The following ENPP2 variants were observed in gnomAD, a reference collection of about 807,000 sequenced individuals.
ENPP2 encodes autotaxin.
Under a neutral mutation model 120.2 loss-of-function variants are expected in ENPP2, and 51 were observed. The observed-to-expected ratio is 0.42, with a 90% CI of 0.34 to 0.54. The LOEUF is 0.54. ENPP2 is among the 20% of genes least tolerant of loss of function. The probability of loss-of-function intolerance (pLI) is 0.04; values close to 1 mark genes in which losing one functional copy is unlikely to be tolerated. For missense variants in ENPP2, 920 were observed against 1,066.5 expected (o/e 0.86, Z 1.91); for synonymous variants, 365 against 366.4 (o/e 1.00, Z 0.04).
At chr8:119,559,138 A>G (rs1813712598) in intron 24 of ENPP2, among the ~76,000 whole-genome samples, 1 of 152,194 alleles carries the variant, frequency 6.6e-6, no homozygotes, top group Non-Finnish European at 1.5e-5. Flanking sequence ...TTCACAGGAA[A>G]GGAAAGACCT....
intron 24 of ENPP2, among the ~76,000 whole-genome samples, chr8:119,558,792 T>C (rs1813685714): frequency 6.6e-6 from 1 of 152,064 alleles, no homozygotes; most frequent in Non-Finnish European, 1.5e-5. Flanking sequence ...CTTCTACAAG[T>C]TGAAGGGTGG....
rs368551300 is a variant in ENPP2, at chr8:119,626,765, T to C, written c.137-45A>G. The C allele has an allele frequency of 5.0e-6, 8 of 1,590,544 alleles. No individual in the cohort carries two copies. In the East Asian group the frequency reaches 9.0e-5, roughly 18 times the overall value. ...AAAACAATGGACTGGAGAGTGGTCATGTCACCATGGAAAGGTGGCACTGGG... is the reference window on the plus strand; with the variant it reads ...AAAACAATGGACTGGAGAGTGGTCACGTCACCATGGAAAGGTGGCACTGGG... On this transcript the variant is annotated intron_variant, in intron 2 of 24. Transcript: ENST00000075322.
At chr8:119,633,967 G>A (rs369790508) in intron 2 of ENPP2, among the ~76,000 whole-genome samples, 5 of 152,194 alleles carry the variant, frequency 3.3e-5, no homozygotes, top group Admixed American at 6.5e-5. Flanking sequence ...TGGATCACCT[G>A]AGGTCAGGAG....
chr8:119,565,661 A>G (rs1225259141), intron 22 of ENPP2, among the ~76,000 whole-genome samples: 3 of 151,998 alleles, frequency 2.0e-5, no homozygotes, highest in African/African-American at 7.3e-5. Context: ...AGTACATCCC[A>G]ATTATCCCAA....
intron 1 of ENPP2, among the ~76,000 whole-genome samples, chr8:119,669,249 C>A (rs1818170332): frequency 6.6e-6 from 1 of 152,168 alleles, no homozygotes; most frequent in South Asian, 2.1e-4. Flanking sequence ...ATTAATCCAG[C>A]CCATATGCAC....
chr8:119,583,104 G>T (rs999176424), intron 17 of ENPP2, among the ~76,000 whole-genome samples: 3 of 152,172 alleles, frequency 2.0e-5, no homozygotes, highest in African/African-American at 4.8e-5. Context: ...CAATGAACAG[G>T]CTGATTTCAT....
chr8:119,601,870 C>T (rs538610077), intron 9 of ENPP2, among the ~76,000 whole-genome samples: 1 of 152,242 alleles, frequency 6.6e-6, no homozygotes, highest in South Asian at 2.1e-4. Context: ...CTCTCTTGAC[C>T]ACTCGGTCTC....
chr8:119,618,939 A>T (rs1220922805), intron 5 of ENPP2, among the ~76,000 whole-genome samples: 1 of 152,120 alleles, frequency 6.6e-6, no homozygotes, highest in East Asian at 1.9e-4. Context: ...ACAATACTGA[A>T]AAAAAGTCTT....
intron 22 of ENPP2, among the ~76,000 whole-genome samples, chr8:119,565,266 C>T (rs943538719): frequency 1.3e-5 from 2 of 152,102 alleles, no homozygotes; most frequent in African/African-American, 4.8e-5. Flanking sequence ...CCAGGCAGAA[C>T]ACGCCAGGCA....
rs760369800 is a variant in ENPP2, at chr8:119,557,612, G to C, written c.2501C>G (p.Thr834Ser). 1.9e-6 allele frequency: 3 copies of C among 1,612,340 alleles called. No individual in the cohort carries two copies. The highest frequency in any genetic ancestry group is 2.5e-6 in the Non-Finnish European group (3 of 1,179,768). ...GGTCTTTCGGAAGAAGTCCAGGCTGGTGAGATGTTCAATGTCACGCACCCT... is the reference window on the plus strand; with the variant it reads ...GGTCTTTCGGAAGAAGTCCAGGCTGCTGAGATGTTCAATGTCACGCACCCT... ...TARVRDIEHL[T>S]SLDFFRKTSR... The change falls in exon 25 of 25, where the codon ACC (threonine) becomes AGC (serine). Residue 834 changes from threonine to serine, a missense_variant. By Grantham distance (58) the Thr-to-Ser change is moderately conservative. Coordinates refer to ENST00000075322, the MANE Select transcript of ENPP2 (RefSeq NM_001040092.3).
intron 1 of ENPP2, chr8:119,673,170 G>A (rs1389325168): frequency 7.9e-6 from 10 of 1,266,952 alleles, no homozygotes; most frequent in Admixed American, 4.0e-5. Flanking sequence ...CCCTTTGCAA[G>A]GTTTTTCTGC....
At chr8:119,633,745 A>G (rs1816824282) in intron 2 of ENPP2, among the ~76,000 whole-genome samples, 1 of 152,042 alleles carries the variant, frequency 6.6e-6, no homozygotes, top group Non-Finnish European at 1.5e-5. Flanking sequence ...TAAATACATA[A>G]CTTTTTATAA....
intron 1 of ENPP2, among the ~76,000 whole-genome samples, chr8:119,669,127 G>GC (rs1818166689): frequency 1.3e-5 from 2 of 152,130 alleles, no homozygotes; most frequent in African/African-American, 2.4e-5. Context: ...AGATATCAAT[G>GC]ATGCTGAATA....
At chr8:119,650,609 A>G (rs1033839190) in intron 1 of ENPP2, among the ~76,000 whole-genome samples, 32 of 152,170 alleles carry the variant, frequency 2.1e-4, no homozygotes, top group African/African-American at 7.5e-4. Flanking sequence ...CATGCATTCA[A>G]CGTTGTCCCC....
intron 5 of ENPP2, among the ~76,000 whole-genome samples, chr8:119,618,685 G>A (rs987248218): frequency 2.0e-5 from 3 of 151,578 alleles, no homozygotes; most frequent in African/African-American, 4.8e-5. Context: ...GATTACAAGC[G>A]CTGGCTAATT....
intron 23 of ENPP2, among the ~76,000 whole-genome samples, chr8:119,563,768 T>C (rs985768794): frequency 6.6e-6 from 1 of 152,074 alleles, no homozygotes; most frequent in African/African-American, 2.4e-5. Flanking sequence ...AGCAATAAAA[T>C]AAATGTGCAA....
intron 1 of ENPP2, among the ~76,000 whole-genome samples, chr8:119,647,617 G>T (rs112654826): frequency 1.0e-3 from 157 of 152,220 alleles, no homozygotes; most frequent in African/African-American, 3.7e-3. Context: ...CTCTCTTAGG[G>T]TTCCCTGTTT....
At chr8:119,618,773 G>T (rs1305105577) in intron 5 of ENPP2, among the ~76,000 whole-genome samples, 1 of 151,706 alleles carries the variant, frequency 6.6e-6, no homozygotes, top group African/African-American at 2.4e-5. Context: ...GACCTCAAAT[G>T]ATATGCCCGC....
At chr8:119,612,007 C>T (rs557547699) in intron 8 of ENPP2, among the ~76,000 whole-genome samples, 7 of 151,766 alleles carry the variant, frequency 4.6e-5, no homozygotes, top group African/African-American at 9.7e-5. Context: ...CCAGCCTGGG[C>T]GACAGAGCAA....
Sources: gnomAD v4.1 joint callset for allele counts (sites outside exome capture counted in the v4.1 genomes callset) on GRCh38, gnomAD v4.1.1 for gene constraint, MANE v1.5 for transcripts, NCBI Gene and HGNC (gene_info 2026-07-23, HGNC 2026-07-21) for gene names.